The following PEX2 variants were observed in gnomAD, a reference collection of about 807,000 sequenced individuals.
PEX2 encodes the protein peroxisomal biogenesis factor 2.
Under a neutral mutation model 25.2 loss-of-function variants are expected in PEX2, and 19 were observed. The observed-to-expected ratio is 0.75, with a 90% CI of 0.53 to 1.10. The LOEUF (loss-of-function observed/expected upper bound fraction) is 1.10. Among genes scored for constraint, PEX2 ranks in the 50% least tolerant of loss-of-function variants. The pLI is 0.00. For synonymous variants in PEX2, 141 were observed against 127.7 expected, an observed-to-expected ratio of 1.10 and a Z score of -0.70; for missense variants, 347 against 350.6, an observed-to-expected ratio of 0.99 and a Z score of 0.08.
chr8:76,984,071 C>T lies in PEX2; in HGVS notation c.108G>A (p.Gln36=), dbSNP rs113065004. The change falls in exon 4 of 4, where the codon CAG becomes CAA. Residue 36 remains glutamine (Q), a synonymous_variant. Coordinates refer to ENST00000357039, the MANE Select transcript of PEX2 (RefSeq NM_000318.3). ...NKALEQLVWS[Q]FTQCFHGFKP... ...TAAATCCATGAAAGCACTGAGTAAA[C>T]TGGGACCAAACTAGCTGCTCCAGGG... is the stretch of plus-strand genomic sequence containing the variant. 5.0e-6 allele frequency: 8 copies of T among 1,612,520 alleles called. No homozygotes were observed. In the African/African-American group the frequency reaches 8.0e-5, roughly 16 times the overall value.
intron 1 of PEX2, among the ~76,000 whole-genome samples, chr8:76,999,250 A>G (rs1185707528): frequency 6.6e-6 from 1 of 152,228 alleles, no homozygotes; most frequent in Non-Finnish European, 1.5e-5. Flanking sequence ...TCCGAGGGGC[A>G]TCACGGAAGT....
At chr8:76,997,699 A>T (rs766267326) in intron 1 of PEX2, among the ~76,000 whole-genome samples, 37 of 152,366 alleles carry the variant, frequency 2.4e-4, no homozygotes, top group Middle Eastern at 3.4e-3. Context: ...GACAGGCAGT[A>T]ATAAGGGAGA....
rs1248993487 is a variant in PEX2, at chr8:76,981,975, T to C, written c.*1286A>G. On this transcript the variant is annotated 3_prime_UTR_variant, in exon 4 of 4. Coordinates refer to ENST00000357039, the MANE Select transcript of PEX2 (RefSeq NM_000318.3). The stretch of plus-strand genomic sequence containing the variant: ...ACTTGATTTTTCCTGCTTAATATAC[T>C]GTTGTGCCTCTAATGGCTACATCAG... 6.6e-6 allele frequency: 1 copy of C among 152,232 alleles called. No homozygotes were observed. Among genetic ancestry groups the C allele is most frequent in the African/African-American group, 2.4e-5 (1 of 41,462 alleles). The allele number at this position is 152,232 out of a possible 1,614,324, so 9.4% of individuals were successfully genotyped here.
intron 1 of PEX2, among the ~76,000 whole-genome samples, chr8:76,988,649 C>T (rs1186690538): frequency 6.6e-6 from 1 of 152,232 alleles, no homozygotes; most frequent in East Asian, 1.9e-4. Context: ...ATAACAACAA[C>T]AAAGTTTGCT....
intron 1 of PEX2, among the ~76,000 whole-genome samples, chr8:76,993,465 A>G (rs1185257963): frequency 6.6e-6 from 1 of 152,174 alleles, no homozygotes; most frequent in Admixed American, 6.5e-5. Context: ...TGGGTCAAAA[A>G]TTCCCAGTGC....
In PEX2 at chr8:76,984,075, G is replaced by C. The variant is rs556693192; in HGVS notation, c.104C>G (p.Ser35Cys). The change falls in exon 4 of 4, where the codon TCC becomes TGC. Residue 35 changes from serine (S) to cysteine (C), a missense_variant. Ser to Cys is a moderately radical substitution (Grantham distance 112, BLOSUM62 -1). Transcript: ENST00000357039. ...LNKALEQLVW[S>C]QFTQCFHGFK... ...TCCATGAAAGCACTGAGTAAACTGG[G>C]ACCAAACTAGCTGCTCCAGGGCCTT... The C allele has an allele frequency of 1.9e-6, 3 of 1,612,346 alleles. No homozygotes were observed. The highest frequency in any genetic ancestry group is 3.3e-5 in the Admixed American group (2 of 59,842).
intron 1 of PEX2, among the ~76,000 whole-genome samples, chr8:76,992,874 T>C (rs1244342360): frequency 6.6e-6 from 1 of 152,200 alleles, no homozygotes; most frequent in Non-Finnish European, 1.5e-5. Flanking sequence ...AAGTGAAGAA[T>C]GGATCCCAAA....
chr8:76,995,333 T>G (rs566133914), intron 1 of PEX2, among the ~76,000 whole-genome samples: 1 of 152,196 alleles, frequency 6.6e-6, no homozygotes, highest in Non-Finnish European at 1.5e-5. Flanking sequence ...TCAATGAACA[T>G]TGCCTCATCA....
At chr8:76,995,494 T>C (rs1476740875) in intron 1 of PEX2, among the ~76,000 whole-genome samples, 2 of 152,002 alleles carry the variant, frequency 1.3e-5, no homozygotes, top group Non-Finnish European at 2.9e-5. Context: ...GGGGAAAATA[T>C]CTTTTTTTTT....
intron 1 of PEX2, among the ~76,000 whole-genome samples, chr8:76,990,743 G>A (rs889076130): frequency 7.9e-5 from 12 of 151,982 alleles, no homozygotes; most frequent in African/African-American, 2.9e-4. Context: ...AGTTCGTGGT[G>A]CCCCAGAACA....
upstream of PEX2, chr8:77,000,334 G>C (rs1394388997): frequency 3.8e-6 from 1 of 265,278 alleles, no homozygotes; most frequent in East Asian, 1.2e-4. Context: ...TCACGAACCG[G>C]TCAGCCCCGG....
chr8:76,989,679 T>C (rs552380514), intron 1 of PEX2, among the ~76,000 whole-genome samples: 3 of 152,360 alleles, frequency 2.0e-5, no homozygotes, highest in Non-Finnish European at 4.4e-5. Flanking sequence ...TGAGCAGTAA[T>C]ATTTTGAAAT....
intron 3 of PEX2, among the ~76,000 whole-genome samples, chr8:76,984,691 A>T (rs1409126232): frequency 6.6e-6 from 1 of 152,188 alleles, no homozygotes; most frequent in East Asian, 1.9e-4. Flanking sequence ...TACTGACTCC[A>T]AAGGTGTTAT....
intron 2 of PEX2, among the ~76,000 whole-genome samples, chr8:76,987,444 A>G (rs1807038908): frequency 6.6e-6 from 1 of 152,182 alleles, no homozygotes; most frequent in African/African-American, 2.4e-5. Flanking sequence ...ATAAGGCTGG[A>G]AAGAAGCAGG....
At chr8:76,992,819 G>A (rs984627669) in intron 1 of PEX2, among the ~76,000 whole-genome samples, 1 of 152,136 alleles carries the variant, frequency 6.6e-6, no homozygotes, top group Non-Finnish European at 1.5e-5. Flanking sequence ...TTTTATTCAA[G>A]CATTTTAAAA....
In PEX2 at chr8:76,998,010, C is replaced by T. The variant is rs192850776; in HGVS notation, c.-160+1980G>A. Among the ~76,000 whole-genome samples the T allele has an allele frequency of 1.1e-4, 17 of 152,298 alleles. No individual in the cohort carries two copies. In the East Asian group the frequency reaches 2.7e-3, roughly 24 times the overall value. Reference sequence around the variant, plus strand: ...AAACATTTACAAACTGTTATCACTTCACAGAAAAGAGGTACAGAGAACATC... The same window carrying T: ...AAACATTTACAAACTGTTATCACTTTACAGAAAAGAGGTACAGAGAACATC... On this transcript the variant is annotated intron_variant, in intron 1 of 3. Transcript: ENST00000357039.
intron 2 of PEX2, among the ~76,000 whole-genome samples, chr8:76,987,248 A>G (rs1371144803): frequency 6.6e-6 from 1 of 152,228 alleles, no homozygotes; most frequent in Non-Finnish European, 1.5e-5. Context: ...GATCAGTGAT[A>G]TGCAAGGGAA....
intron 3 of PEX2, 34 bp from the exon 4 acceptor site, chr8:76,984,229 A>G: frequency 6.4e-7 from 1 of 1,566,686 alleles, no homozygotes; most frequent in African/African-American, 1.4e-5. Flanking sequence ...ACATTAGCAA[A>G]GAGTTGCAAT....
intron 3 of PEX2, among the ~76,000 whole-genome samples, chr8:76,984,615 C>T (rs1406900746): frequency 1.3e-5 from 2 of 152,252 alleles, no homozygotes; most frequent in South Asian, 2.1e-4. Flanking sequence ...GTAATAAATA[C>T]AACAACTATA....
Sources: gnomAD v4.1 joint callset for allele counts (sites outside exome capture counted in the v4.1 genomes callset) on GRCh38, gnomAD v4.1.1 for gene constraint, MANE v1.5 for transcripts, NCBI Gene and HGNC (gene_info 2026-07-23, HGNC 2026-07-21) for gene names.